FBN2: variants seen among roughly 807,000 people sequenced by gnomAD.
The protein encoded by FBN2 is fibrillin-2.
FBN2 carries 105 observed loss-of-function variants against 355.6 expected under a neutral mutation model. The ratio of observed to expected loss-of-function variants is 0.30; its 90% CI spans 0.25 to 0.35. FBN2 has a LOEUF of 0.35. Among genes scored for constraint, FBN2 ranks in the 10% least tolerant of loss-of-function variants. The pLI is 1.00. For synonymous variants in FBN2, 1,350 were observed against 1,301.2 expected, an observed-to-expected ratio of 1.04 and a Z score of -0.81; for missense variants, 3,280 against 3,758.7, an observed-to-expected ratio of 0.87 and a Z score of 3.33.
At chr5:128,512,743 C>T (rs1220682129) in intron 5 of FBN2, among the ~76,000 whole-genome samples, 28 of 151,974 alleles carry the variant, frequency 1.8e-4, no homozygotes, top group African/African-American at 7.3e-5. Flanking sequence ...TTAAATAGGT[C>T]GCAACATTCT....
intron 62 of FBN2, among the ~76,000 whole-genome samples, chr5:128,268,280 T>C (rs1385840211): frequency 6.6e-6 from 1 of 152,012 alleles, no homozygotes; most frequent in Non-Finnish European, 1.5e-5. Context: ...CTAGAAGAAA[T>C]GGATAAATTC....
rs759117573 is a variant in FBN2, at chr5:128,310,057, T to C, written c.5126A>G (p.Tyr1709Cys). The C allele has an allele frequency of 1.2e-5, 19 of 1,613,798 alleles. No homozygotes were observed. The highest frequency in any genetic ancestry group is 1.5e-5 in the Non-Finnish European group (18 of 1,179,830). Residue 1709 changes from tyrosine (Y) to cysteine (C), a missense_variant, in exon 40 of 65, where the codon TAT becomes TGT. Transcript: ENST00000262464. ...GCAGGTGTAATTTCCCAGGGTGTTA[T>C]AGCAGGTCCCAGGCCCACACACACC... ...HPGVCGPGTCYNTLGNYTCIC... is the reference protein window; with the variant it reads ...HPGVCGPGTCCNTLGNYTCIC...
chr5:128,313,872 A>AAAAAC (rs1561765846), intron 36 of FBN2, among the ~76,000 whole-genome samples: 3 of 151,126 alleles, frequency 2.0e-5, no homozygotes, highest in Non-Finnish European at 4.4e-5. Context: ...AAAAAAAAAA[A>AAAAAC]AAAACATATC....
intron 5 of FBN2, among the ~76,000 whole-genome samples, chr5:128,490,374 T>C (rs1004409309): frequency 1.4e-4 from 21 of 152,152 alleles, no homozygotes; most frequent in African/African-American, 4.3e-4. Flanking sequence ...GCATAAATCA[T>C]GGAAGCCACA....
At chr5:128,411,206 T>C (rs913765633) in intron 7 of FBN2, among the ~76,000 whole-genome samples, 2 of 152,140 alleles carry the variant, frequency 1.3e-5, no homozygotes, top group African/African-American at 4.8e-5. Context: ...CCCACGGCAG[T>C]GTCTAGGTGT....
chr5:128,296,131 G>T (rs1749502213), intron 48 of FBN2, among the ~76,000 whole-genome samples: 1 of 152,122 alleles, frequency 6.6e-6, no homozygotes, highest in Non-Finnish European at 1.5e-5. Context: ...TTATATGCTG[G>T]ATTACATTTG....
Position 128,335,208 on chromosome 5 carries a change from T to A in FBN2, c.3935A>T (p.Asp1312Val). The change falls in exon 30 of 65, where the codon GAT (aspartate) becomes GTT (valine). Residue 1312 changes from aspartate (D) to valine (V), a missense_variant. Around this residue, in one of 6 missense-constraint regions of FBN2, gnomAD observed 2,284 missense variants for 2,749.5 expected, o/e 0.83. Transcript: ENST00000262464. Reference protein sequence around the residue: ...IPGEYRCLCYDGFMASMDMKT... With the variant: ...IPGEYRCLCYVGFMASMDMKT... The stretch of plus-strand genomic sequence containing the variant: ...CATGTCCATGGAAGCCATGAAGCCA[T>A]CATAGCAGAGGCAGCGATACTCTCC... 1 of 1,614,176 alleles carries A rather than the reference T, an allele frequency of 6.2e-7. No homozygotes were observed. The highest frequency in any genetic ancestry group is 8.5e-7 in the Non-Finnish European group (1 of 1,180,040).
intron 62 of FBN2, among the ~76,000 whole-genome samples, chr5:128,266,902 G>C (rs1765127841): frequency 6.6e-6 from 1 of 151,936 alleles, no homozygotes; most frequent in African/African-American, 2.4e-5. Flanking sequence ...GTGCAGGTTT[G>C]TTACATAGCC....
At chr5:128,289,814 T>C (rs1581191062) in intron 51 of FBN2, 68 bp downstream of exon 51, 7 of 929,626 alleles carry the variant, frequency 7.5e-6, no homozygotes, top group South Asian at 5.7e-5. Flanking sequence ...GCATGAGTTA[T>C]AAAATAAATG....
chr5:128,375,649 T>C (rs1367753539), intron 14 of FBN2, among the ~76,000 whole-genome samples: 1 of 152,220 alleles, frequency 6.6e-6, no homozygotes, highest in African/African-American at 2.4e-5. Context: ...GAATTGAGCA[T>C]GATCCTTATC....
At chr5:128,464,155 T>C (rs190450794) in intron 6 of FBN2, among the ~76,000 whole-genome samples, 1 of 152,196 alleles carries the variant, frequency 6.6e-6, no homozygotes, top group Non-Finnish European at 1.5e-5. Context: ...GATCTGGCCC[T>C]AATATAGAAA....
At chr5:128,520,692 A>C (rs888146954) in intron 4 of FBN2, among the ~76,000 whole-genome samples, 1 of 152,214 alleles carries the variant, frequency 6.6e-6, no homozygotes, top group Non-Finnish European at 1.5e-5. Context: ...TGGAAATAAA[A>C]GATGATCTTG....
chr5:128,276,274 G>A, intron 58 of FBN2, 114 bp from the exon 59 acceptor site: 1 of 1,071,674 alleles, frequency 9.3e-7, no homozygotes, highest in Non-Finnish European at 1.4e-6. Context: ...ACTTAAAGTG[G>A]AATATAGCCA....
intron 8 of FBN2, among the ~76,000 whole-genome samples, chr5:128,403,545 G>T (rs1752852943): frequency 6.6e-6 from 1 of 152,070 alleles, no homozygotes. Context: ...ATTGCTGGCT[G>T]CCAGCCATTC....
At chr5:128,398,227 C>T (rs1468042604) in intron 8 of FBN2, among the ~76,000 whole-genome samples, 1 of 151,948 alleles carries the variant, frequency 6.6e-6, no homozygotes, top group African/African-American at 2.4e-5. Flanking sequence ...AAAAAATTCT[C>T]ATAAAGTTCC....
chr5:128,427,926 A>G (rs1032456222), intron 7 of FBN2, among the ~76,000 whole-genome samples: 2 of 152,132 alleles, frequency 1.3e-5, no homozygotes, highest in East Asian at 1.9e-4. Flanking sequence ...AACATTCCTG[A>G]TAACTTTTCT....
chr5:128,453,940 G>A (rs1474836321), intron 6 of FBN2, among the ~76,000 whole-genome samples: 1 of 152,034 alleles, frequency 6.6e-6, no homozygotes, highest in Non-Finnish European at 1.5e-5. Flanking sequence ...CCTCACTCAA[G>A]GAGTGTCTCT....
At chr5:128,516,608 T>G (rs985469341) in intron 5 of FBN2, among the ~76,000 whole-genome samples, 2 of 152,190 alleles carry the variant, frequency 1.3e-5, no homozygotes, top group African/African-American at 4.8e-5. Context: ...AAGGCCAATT[T>G]AAAGAGAAAT....
At chr5:128,444,218 G>C (rs1457045914) in intron 7 of FBN2, among the ~76,000 whole-genome samples, 1 of 151,420 alleles carries the variant, frequency 6.6e-6, no homozygotes. Flanking sequence ...GACTACAGGC[G>C]CCCGCCACCG....
Sources: allele counts gnomAD v4.1 joint callset (sites outside exome capture counted in the v4.1 genomes callset), GRCh38; gene constraint gnomAD v4.1.1; regional missense constraint gnomAD v4.1.1; transcripts MANE v1.5; gene names NCBI Gene and HGNC (gene_info 2026-07-23, HGNC 2026-07-21).